Variants in CDKAL1 observed in about 807,000 individuals in gnomAD.
The protein encoded by CDKAL1 is CDKAL1 threonylcarbamoyladenosine tRNA methylthiotransferase.
CDKAL1 carries 32 observed loss-of-function variants against 68.2 expected under a neutral mutation model. That is an observed-to-expected ratio of 0.47 (90% confidence interval 0.35 to 0.63). CDKAL1 has a LOEUF of 0.63. CDKAL1 is among the 30% of genes least tolerant of loss of function. The pLI is 0.00. For synonymous variants in CDKAL1, 234 were observed against 244.3 expected (o/e 0.96, Z 0.39); for missense variants, 606 against 696.7 (o/e 0.87, Z 1.47).
chr6:20,715,313 C>A (rs983121770), intron 5 of CDKAL1, among the ~76,000 whole-genome samples: 2 of 152,120 alleles, frequency 1.3e-5, no homozygotes, highest in Non-Finnish European at 2.9e-5. Context: ...TGAGATGATG[C>A]AATATTTTTC....
intron 5 of CDKAL1, among the ~76,000 whole-genome samples, chr6:20,714,070 T>C (rs1409316382): frequency 6.6e-6 from 1 of 151,854 alleles, no homozygotes; most frequent in Non-Finnish European, 1.5e-5. Flanking sequence ...ACTTAAGAAA[T>C]AAAGAAAAAG....
chr6:21,043,547 C>G (rs1454048260), intron 11 of CDKAL1, among the ~76,000 whole-genome samples: 1 of 152,158 alleles, frequency 6.6e-6, no homozygotes, highest in East Asian at 1.9e-4. Context: ...GCATGCTAGG[C>G]TTACTTAAGA....
intron 5 of CDKAL1, among the ~76,000 whole-genome samples, chr6:20,678,299 A>AT (rs1770215884): frequency 6.6e-6 from 1 of 152,244 alleles, no homozygotes; most frequent in East Asian, 1.9e-4. Flanking sequence ...CATGGAAAAA[A>AT]CAAAAGTGCT....
intron 15 of CDKAL1, among the ~76,000 whole-genome samples, chr6:21,212,139 C>T (rs528398166): frequency 9.2e-5 from 14 of 152,230 alleles, no homozygotes; most frequent in Admixed American, 2.6e-4. Context: ...AAGCAGGCCC[C>T]GCCTGACTGG....
intron 4 of CDKAL1, among the ~76,000 whole-genome samples, chr6:20,563,178 C>T (rs989692179): frequency 7.9e-5 from 12 of 152,054 alleles, no homozygotes; most frequent in African/African-American, 2.9e-4. Context: ...TTCTTAGTAA[C>T]AAGTGAATCA....
intron 5 of CDKAL1, among the ~76,000 whole-genome samples, chr6:20,688,891 TGGG>T (rs34433496): frequency 1.8e-4 from 27 of 152,198 alleles, no homozygotes; most frequent in Non-Finnish European, 3.4e-4. Context: ...ATTAAGGTGT[TGGG>T]GGAGAGGGAG....
intron 5 of CDKAL1, among the ~76,000 whole-genome samples, chr6:20,730,230 C>T (rs1324617545): frequency 6.6e-6 from 1 of 150,942 alleles, no homozygotes; most frequent in African/African-American, 2.4e-5. Context: ...GAGGCTGAGG[C>T]AGGAGAATCA....
intron 4 of CDKAL1, among the ~76,000 whole-genome samples, chr6:20,592,171 TTGTC>T (rs1351842380): frequency 5.3e-5 from 8 of 152,200 alleles, no homozygotes; most frequent in Non-Finnish European, 1.0e-4. Context: ...GGCTTTCTGT[TTGTC>T]TGTTATTGGT....
At chr6:21,133,145 A>G (rs1025479038) in intron 13 of CDKAL1, among the ~76,000 whole-genome samples, 1 of 152,190 alleles carries the variant, frequency 6.6e-6, no homozygotes, top group Non-Finnish European at 1.5e-5. Context: ...GGGGTTATTT[A>G]TAATAAAGCC....
intron 6 of CDKAL1, among the ~76,000 whole-genome samples, chr6:20,745,768 T>C (rs1186287469): frequency 6.6e-6 from 1 of 152,184 alleles, no homozygotes; most frequent in Non-Finnish European, 1.5e-5. Context: ...TAAGAAAGTT[T>C]ATTAGTTTGC....
chr6:20,938,978 C>T (rs561987147), intron 9 of CDKAL1, among the ~76,000 whole-genome samples: 1 of 152,248 alleles, frequency 6.6e-6, no homozygotes, highest in South Asian at 2.1e-4. Flanking sequence ...TCCTCCTTTT[C>T]CTCCTTCCCC....
intron 8 of CDKAL1, among the ~76,000 whole-genome samples, chr6:20,793,748 A>T (rs1775995873): frequency 7.2e-6 from 1 of 139,214 alleles, no homozygotes; most frequent in South Asian, 2.4e-4. Flanking sequence ...AATAATATAG[A>T]CATTTCAGGG....
At chr6:20,966,056 A>C (rs73735039) in intron 10 of CDKAL1, among the ~76,000 whole-genome samples, 1 of 152,178 alleles carries the variant, frequency 6.6e-6, no homozygotes. Context: ...ATTTTACATC[A>C]GGTAGGTAAT....
At chr6:21,109,785 A>AT (rs2150993432) in intron 13 of CDKAL1, among the ~76,000 whole-genome samples, 1 of 152,364 alleles carries the variant, frequency 6.6e-6, no homozygotes, top group South Asian at 2.1e-4. Context: ...CTTAATGAAC[A>AT]TAAGTGCAGC....
chr6:20,813,891 T>C (rs1490735554), intron 8 of CDKAL1, among the ~76,000 whole-genome samples: 4 of 152,080 alleles, frequency 2.6e-5, no homozygotes, highest in Non-Finnish European at 4.4e-5. Flanking sequence ...TTCAAAAAAT[T>C]AGTTATAATA....
intron 13 of CDKAL1, among the ~76,000 whole-genome samples, chr6:21,155,841 A>G (rs938167706): frequency 6.6e-5 from 10 of 152,164 alleles, no homozygotes; most frequent in Non-Finnish European, 1.3e-4. Context: ...TTATAAAGGG[A>G]CAGGGACGGA....
intron 9 of CDKAL1, among the ~76,000 whole-genome samples, chr6:20,938,441 T>C (rs1310275578): frequency 6.6e-6 from 1 of 152,202 alleles, no homozygotes; most frequent in Non-Finnish European, 1.5e-5. Flanking sequence ...ATCTTCTAAC[T>C]TGATCTTTTA....
intron 13 of CDKAL1, among the ~76,000 whole-genome samples, chr6:21,159,306 T>C (rs928851676): frequency 1.3e-5 from 2 of 152,186 alleles, no homozygotes; most frequent in Non-Finnish European, 2.9e-5. Context: ...AATATTCCTG[T>C]GTTTCTACTT....
chr6:21,215,080 C>T (rs959522275), intron 15 of CDKAL1, among the ~76,000 whole-genome samples: 1 of 152,178 alleles, frequency 6.6e-6, no homozygotes, highest in Non-Finnish European at 1.5e-5. Context: ...CACACATCTG[C>T]AGTGCACTGT....
Sources: gnomAD v4.1 joint callset for allele counts (sites outside exome capture counted in the v4.1 genomes callset) on GRCh38, gnomAD v4.1.1 for gene constraint, MANE v1.5 for transcripts, NCBI Gene and HGNC (gene_info 2026-07-23, HGNC 2026-07-21) for gene names.